RIMBP2: variants seen among roughly 807,000 people sequenced by gnomAD.
The protein encoded by RIMBP2 is RIMS-binding protein 2.
Under a neutral mutation model 118.6 loss-of-function variants are expected in RIMBP2, and 48 were observed. The observed-to-expected ratio is 0.40, with a 90% CI of 0.32 to 0.51. The LOEUF (loss-of-function observed/expected upper bound fraction) is 0.51, where lower values mean the gene tolerates loss of function less well. RIMBP2 is among the 20% of genes least tolerant of loss of function. RIMBP2 has a pLI of 0.41. For missense variants in RIMBP2, 1,551 were observed against 1,768.3 expected, an observed-to-expected ratio of 0.88 and a Z score of 2.20; for synonymous variants, 762 against 742.9, an observed-to-expected ratio of 1.03 and a Z score of -0.42.
At chr12:130,553,415 A>C (rs1187579497) in intron 2 of RIMBP2, among the ~76,000 whole-genome samples, 3 of 152,198 alleles carry the variant, frequency 2.0e-5, no homozygotes. Flanking sequence ...ATCATCCCTT[A>C]TATATCAATA....
In RIMBP2 at chr12:130,716,232, G is replaced by A. The variant is rs766900090; in HGVS notation, c.-362C>T. ...TAAATCTCAGCCTACCTTTAGAAGC[G>A]AGCTGTGCCAAGGCTCCGGAGGTTC... On this transcript the variant is annotated 5_prime_UTR_variant, in exon 1 of 23. Transcript: ENST00000690449. 6 of 151,804 alleles carry A rather than the reference G, an allele frequency of 4.0e-5. No homozygotes were observed. The highest frequency in any genetic ancestry group is 5.9e-5 in the Non-Finnish European group (4 of 68,002). The allele number at this position is 151,804 out of a possible 1,614,324, so 9.4% of individuals were successfully genotyped here. A position where few individuals can be genotyped will look rare whatever the true frequency, so the allele number is the denominator to read the frequency against.
Position 130,620,881 on chromosome 12 carries a change from C to G in RIMBP2, c.-217+7441G>C, listed in dbSNP as rs569823931. Among the ~76,000 whole-genome samples, 62 of 152,248 alleles carry G rather than the reference C, an allele frequency of 4.1e-4. No homozygotes were observed. The highest frequency in any genetic ancestry group is 6.8e-4 in the Non-Finnish European group (46 of 68,032). ...CTCACCCTGTAACAGACTCTGTGAC[C>G]CGCAGTCAACCACCCCACCCAGCAG... On this transcript the variant is annotated intron_variant, in intron 2 of 22. Coordinates refer to ENST00000690449, the MANE Select transcript of RIMBP2 (RefSeq NM_001393629.1). This position sits in a 1 kb window ranked among gnomAD's most constrained non-coding sequence, Gnocchi z 5.3.
chr12:130,458,235 C>A (rs1465139034), intron 6 of RIMBP2, among the ~76,000 whole-genome samples: 2 of 152,154 alleles, frequency 1.3e-5, no homozygotes, highest in African/African-American at 4.8e-5. Flanking sequence ...TAATTAATTT[C>A]TTTGATTCAT....
chr12:130,643,540 T>A (rs1208999318), intron 1 of RIMBP2, among the ~76,000 whole-genome samples: 1 of 149,032 alleles, frequency 6.7e-6, no homozygotes, highest in Non-Finnish European at 1.5e-5. Context: ...AGGTGCCCCA[T>A]GGAACTGGGG....
At chr12:130,409,051 T>C (rs1324175804) in intron 19 of RIMBP2, among the ~76,000 whole-genome samples, 1 of 152,204 alleles carries the variant, frequency 6.6e-6, no homozygotes, top group African/African-American at 2.4e-5. Flanking sequence ...TTATTCATGT[T>C]ACAGGGAATG....
intron 1 of RIMBP2, among the ~76,000 whole-genome samples, chr12:130,662,759 C>T (rs2063715406): frequency 6.6e-6 from 1 of 151,968 alleles, no homozygotes; most frequent in Non-Finnish European, 1.5e-5. Context: ...AGTTTGAGAC[C>T]AGCCTGGGCA....
At chr12:130,697,417 G>C (rs1029710040) in intron 1 of RIMBP2, among the ~76,000 whole-genome samples, 1 of 151,596 alleles carries the variant, frequency 6.6e-6, no homozygotes, top group African/African-American at 2.4e-5. Context: ...CAGCTACTCG[G>C]GAGGCTGAGG....
intron 4 of RIMBP2, among the ~76,000 whole-genome samples, chr12:130,493,176 AG>A (rs2048806412): frequency 6.6e-6 from 1 of 152,182 alleles, no homozygotes; most frequent in African/African-American, 2.4e-5. Flanking sequence ...TGACCTGCAC[AG>A]GAATTAAGTT....
intron 2 of RIMBP2, among the ~76,000 whole-genome samples, chr12:130,570,329 G>A (rs915676889): frequency 6.6e-6 from 1 of 152,132 alleles, no homozygotes; most frequent in Admixed American, 6.5e-5. Flanking sequence ...GGGAGGCTGA[G>A]GTGGGAGGAT....
chr12:130,508,612 C>T (rs1035545450), intron 3 of RIMBP2, among the ~76,000 whole-genome samples: 3 of 152,004 alleles, frequency 2.0e-5, no homozygotes, highest in African/African-American at 7.2e-5. Flanking sequence ...CCCCTGCCTC[C>T]ATGCCCCTCC....
At position 130,617,025 on chromosome 12, in the gene RIMBP2, C is replaced by T. The variant is rs2060987418; in HGVS notation, c.-217+11297G>A. ...CCCCCTCCTCCTCTGCAGAGGCCCC[C>T]ATGTCCCACTGATGAGAGGTTCCAC... is the stretch of plus-strand genomic sequence containing the variant. On this transcript the variant is annotated intron_variant, in intron 2 of 22. Coordinates refer to ENST00000690449, the MANE Select transcript of RIMBP2 (RefSeq NM_001393629.1). This position sits in a 1 kb window ranked among gnomAD's most constrained non-coding sequence, Gnocchi z 4.6. Among the ~76,000 whole-genome samples the T allele has an allele frequency of 6.6e-6, 1 of 152,170 alleles. No homozygotes were observed. The highest frequency in any genetic ancestry group is 1.5e-5 in the Non-Finnish European group (1 of 68,002).
rs545320970 is a variant in RIMBP2 at position 130,419,120 on chromosome 12, C to T, written c.3238+3333G>A. On this transcript the variant is annotated intron_variant, in intron 17 of 22. Coordinates refer to ENST00000690449, the MANE Select transcript of RIMBP2 (RefSeq NM_001393629.1). This position sits in a 1 kb window ranked among gnomAD's most constrained non-coding sequence, Gnocchi z 4.3. ...CCAAACCTCGACAGGGAAAGAGTAG[C>T]AGCCTCCCTGGAATGTGTCCATGGA... Among the ~76,000 whole-genome samples the T allele has an allele frequency of 7.9e-5, 12 of 152,292 alleles. No homozygotes were observed. In the South Asian group the frequency reaches 2.5e-3, roughly 32 times the overall value.
Position 130,424,311 on chromosome 12 carries a change from T to C in RIMBP2, c.2960A>G (p.Asp987Gly), listed in dbSNP as rs930056150. Residue 987 changes from aspartate (D) to glycine (G), a missense_variant, in exon 16 of 23, where the codon GAC becomes GGC. Asp to Gly is a moderately conservative substitution (Grantham distance 94, BLOSUM62 -1). Around this residue, in one of 5 missense-constraint regions of RIMBP2, gnomAD observed 1,038 missense variants for 1,125.1 expected, o/e 0.92. Transcript: ENST00000690449. The surrounding 1 kb of genome is among the most constrained non-coding windows in gnomAD (Gnocchi z 9.8). ...CCTCTCCGGGCCGGGCTGGGGGTCGTCGTTCCTGAGGAGGCCACCAGGGCC... is the reference window on the plus strand; with the variant it reads ...CCTCTCCGGGCCGGGCTGGGGGTCGCCGTTCCTGAGGAGGCCACCAGGGCC... ...QVGPGGLLRN[D>G]DPQPGPERPP... 6.5e-6 allele frequency: 8 copies of C among 1,231,302 alleles called. No homozygotes were observed. The African/African-American group carries it at 1.2e-4, about 19-fold the overall frequency. The allele number at this position is 1,231,302 out of a possible 1,614,324, so 76.3% of individuals were successfully genotyped here. A position where few individuals can be genotyped will look rare whatever the true frequency, so the allele number is the denominator to read the frequency against.
intron 6 of RIMBP2, among the ~76,000 whole-genome samples, chr12:130,458,863 G>A (rs191054512): frequency 1.8e-4 from 28 of 152,094 alleles, no homozygotes; most frequent in Non-Finnish European, 3.4e-4. Context: ...TGGCCAACAT[G>A]GTGAAACTCA....
At chr12:130,533,468 G>A (rs1019759465) in intron 2 of RIMBP2, among the ~76,000 whole-genome samples, 4 of 152,162 alleles carry the variant, frequency 2.6e-5, no homozygotes, top group Non-Finnish European at 5.9e-5. Context: ...ATATAAATTA[G>A]TATAACCTTT....
At position 130,563,268 on chromosome 12, in the gene RIMBP2, C is replaced by T. The variant is rs182560360; in HGVS notation, c.-216-45351G>A. ...TAAATGAATTACCAGACACTTGAAA[C>T]GCGTTCTTACGCCCTGCCAAGCCTC... On this transcript the variant is annotated intron_variant, in intron 2 of 22. Coordinates refer to ENST00000690449, the MANE Select transcript of RIMBP2 (RefSeq NM_001393629.1). 4.3e-4 allele frequency among the ~76,000 whole-genome samples: 66 copies of T among 152,322 alleles called. 1 individual carries two copies. Among genetic ancestry groups the T allele is most frequent in the Admixed American group, 3.0e-3 (46 of 15,300 alleles).
intron 3 of RIMBP2, among the ~76,000 whole-genome samples, chr12:130,510,439 T>C (rs896229062): frequency 6.6e-6 from 1 of 151,812 alleles, no homozygotes; most frequent in African/African-American, 2.4e-5. Context: ...ACAGAGTCCA[T>C]GGAGGACCTC....
intron 21 of RIMBP2, among the ~76,000 whole-genome samples, chr12:130,403,499 G>C (rs145667384): frequency 6.6e-6 from 1 of 152,290 alleles, no homozygotes; most frequent in Non-Finnish European, 1.5e-5. Context: ...TAAATGAAAA[G>C]TACATTCCTC....
At chr12:130,473,622 G>C (rs1425263088) in intron 5 of RIMBP2, among the ~76,000 whole-genome samples, 1 of 152,214 alleles carries the variant, frequency 6.6e-6, no homozygotes, top group African/African-American at 2.4e-5. Context: ...TGAAACGTTA[G>C]CTCTGCAGAA....
Sources: allele counts gnomAD v4.1 joint callset (sites outside exome capture counted in the v4.1 genomes callset), GRCh38; gene constraint gnomAD v4.1.1; regional missense constraint gnomAD v4.1.1; non-coding constraint Gnocchi (gnomAD v3.1); transcripts MANE v1.5; gene names NCBI Gene and HGNC (gene_info 2026-07-23, HGNC 2026-07-21).